Variants in ARHGAP44 observed in about 807,000 individuals in gnomAD.
ARHGAP44 encodes Rho GTPase activating protein 44, also known as rho GTPase-activating protein 44.
In ARHGAP44, 43 loss-of-function variants were observed where a neutral mutation model predicts 106.8. The observed-to-expected ratio is 0.40, with a 90% CI of 0.32 to 0.52. ARHGAP44 has a LOEUF of 0.52. Ranked by LOEUF, ARHGAP44 falls within the 20% of genes least tolerant of loss-of-function variation. ARHGAP44 has a pLI of 0.48. For missense variants in ARHGAP44, 866 were observed against 1,050.5 expected (o/e 0.82, Z 2.43); for synonymous variants, 439 against 410.3 (o/e 1.07, Z -0.85).
chr17:12,797,933 T>C (rs74393437), intron 1 of ARHGAP44, among the ~76,000 whole-genome samples: 5 of 152,208 alleles, frequency 3.3e-5, no homozygotes, highest in African/African-American at 9.6e-5. Flanking sequence ...ATAGGTAATT[T>C]GTCAGTGTTG....
intron 7 of ARHGAP44, among the ~76,000 whole-genome samples, chr17:12,931,068 T>G (rs1018180445): frequency 1.3e-5 from 2 of 152,178 alleles, no homozygotes; most frequent in African/African-American, 4.8e-5. Context: ...TGTTTTTGTT[T>G]TGTTTTGTTC....
At position 12,835,916 on chromosome 17, in the gene ARHGAP44, G is replaced by A. The variant is rs74545902; in HGVS notation, c.53+46025G>A. On this transcript the variant is annotated intron_variant, in intron 1 of 20. Transcript: ENST00000379672. ...CAATATTTGCCTTTTTGTGTCTGGC[G>A]TATCATTTCATTTAGCATAATATCC... Among the ~76,000 whole-genome samples, 436 of 152,174 alleles carry A rather than the reference G, an allele frequency of 2.9e-3. 3 individuals carry two copies. Among genetic ancestry groups the A allele is most frequent in the African/African-American group, 9.9e-3 (410 of 41,520 alleles).
chr17:12,792,404 A>G lies in ARHGAP44; in HGVS notation c.53+2513A>G, dbSNP rs534508446. ...GTTGTATGCCTGTGTAGATAGTGCA[A>G]TGCCGTTTAGACTACTGACTCTCAA... On this transcript the variant is annotated intron_variant, in intron 1 of 20. Transcript: ENST00000379672. 4.0e-4 allele frequency among the ~76,000 whole-genome samples: 60 copies of G among 151,160 alleles called. No individual in the cohort carries two copies. In the South Asian group the frequency reaches 9.1e-3, roughly 23 times the overall value.
intron 3 of ARHGAP44, among the ~76,000 whole-genome samples, chr17:12,908,648 G>A (rs1449110193): frequency 2.0e-5 from 3 of 152,032 alleles, no homozygotes; most frequent in Non-Finnish European, 4.4e-5. Flanking sequence ...ATTTTAAAAT[G>A]CAGCATGTAA....
At chr17:12,966,584 C>T (rs775487628) in intron 16 of ARHGAP44, among the ~76,000 whole-genome samples, 7 of 152,152 alleles carry the variant, frequency 4.6e-5, no homozygotes, top group Non-Finnish European at 8.8e-5. Context: ...CTTTGCTGTC[C>T]GGGACATCAT....
rs1270022945 is a variant in ARHGAP44 at position 12,896,492 on chromosome 17, C to T, written c.179C>T (p.Ala60Val). 1.2e-6 allele frequency: 2 copies of T among 1,605,794 alleles called. No individual in the cohort carries two copies. Among genetic ancestry groups the T allele is most frequent in the Non-Finnish European group, 1.7e-6 (2 of 1,176,632 alleles). The change falls in exon 3 of 21, where the codon GCA becomes GTA. Residue 60 changes from alanine to valine, a missense_variant. Physicochemically the swap from Ala to Val is moderately conservative, Grantham distance 64. Around this residue, in one of 2 missense-constraint regions of ARHGAP44, gnomAD observed 448 missense variants for 646.9 expected, o/e 0.69. Coordinates refer to ENST00000379672, the MANE Select transcript of ARHGAP44 (RefSeq NM_014859.6). ...GCATGTCTGCAGGGCCAGCAAGGGGCAGAGGCTGACAAGCGCTCCGTAAGT... is the reference window on the plus strand; with the variant it reads ...GCATGTCTGCAGGGCCAGCAAGGGGTAGAGGCTGACAAGCGCTCCGTAAGT... ...LTACLQGQQGAEADKRSKKLP... is the reference protein window; with the variant it reads ...LTACLQGQQGVEADKRSKKLP...
chr17:12,844,661 G>A (rs1366359037), intron 1 of ARHGAP44, among the ~76,000 whole-genome samples: 2 of 152,158 alleles, frequency 1.3e-5, no homozygotes, highest in African/African-American at 4.8e-5. Context: ...CCCCTTCATG[G>A]TGTAGAATAT....
chr17:12,805,137 A>T (rs1048334106), intron 1 of ARHGAP44, among the ~76,000 whole-genome samples: 1 of 152,150 alleles, frequency 6.6e-6, no homozygotes, highest in African/African-American at 2.4e-5. Context: ...GGATCCTAGA[A>T]CTGAGACCTG....
At chr17:12,845,479 G>T in intron 1 of ARHGAP44, among the ~76,000 whole-genome samples, 1 of 144,096 alleles carries the variant, frequency 6.9e-6, no homozygotes, top group Non-Finnish European at 1.5e-5. Context: ...TTGCACTCCA[G>T]CCTGGTGACA....
intron 1 of ARHGAP44, among the ~76,000 whole-genome samples, chr17:12,843,354 A>T (rs1343145110): frequency 3.9e-5 from 6 of 152,108 alleles, no homozygotes; most frequent in Admixed American, 2.6e-4. Context: ...CTATGGTATC[A>T]TCTGCCATAG....
intron 7 of ARHGAP44, among the ~76,000 whole-genome samples, chr17:12,930,273 G>T (rs1454353625): frequency 6.7e-6 from 1 of 148,736 alleles, no homozygotes; most frequent in Non-Finnish European, 1.5e-5. Context: ...CGTTCTTGTT[G>T]CCCATGCTGG....
intron 16 of ARHGAP44, among the ~76,000 whole-genome samples, chr17:12,972,801 A>G (rs1476776064): frequency 6.6e-6 from 1 of 150,452 alleles, no homozygotes. Context: ...AGCTGGGACT[A>G]CAGGTGCCTG....
chr17:12,912,578 A>G (rs2037771541), intron 4 of ARHGAP44, among the ~76,000 whole-genome samples: 1 of 152,190 alleles, frequency 6.6e-6, no homozygotes, highest in African/African-American at 2.4e-5. Context: ...GAAAAGGCCC[A>G]TTGAGCTCCA....
intron 6 of ARHGAP44, among the ~76,000 whole-genome samples, chr17:12,923,814 C>G (rs1474315459): frequency 6.6e-6 from 1 of 152,170 alleles, no homozygotes; most frequent in East Asian, 1.9e-4. Context: ...TCCCTAACTC[C>G]TCACTCTTAG....
chr17:12,939,088 C>A (rs2038633642), intron 7 of ARHGAP44, among the ~76,000 whole-genome samples: 1 of 152,194 alleles, frequency 6.6e-6, no homozygotes. Context: ...TGATGGATAT[C>A]TCCTGAGCAA....
chr17:12,955,807 C>T, intron 13 of ARHGAP44, 60 bp from the exon 14 acceptor site: 2 of 1,040,870 alleles, frequency 1.9e-6, no homozygotes, highest in Non-Finnish European at 1.5e-6. Flanking sequence ...TGTCCAGTCC[C>T]CGGGGGACAT....
intron 15 of ARHGAP44, among the ~76,000 whole-genome samples, chr17:12,957,696 A>G (rs866497446): frequency 1.3e-5 from 2 of 152,172 alleles, no homozygotes; most frequent in Middle Eastern, 3.2e-3. Flanking sequence ...CCATAAGTAG[A>G]TGACTCTCAA....
intron 3 of ARHGAP44, among the ~76,000 whole-genome samples, chr17:12,898,642 A>T (rs1396292847): frequency 6.6e-6 from 1 of 152,210 alleles, no homozygotes; most frequent in African/African-American, 2.4e-5. Context: ...TCACATCTTC[A>T]CATAACCATA....
At position 12,926,468 on chromosome 17, in the gene ARHGAP44, TATATATA is replaced by T. The variant is rs1424450043; in HGVS notation, c.465-2453_465-2447del. Among the ~76,000 whole-genome samples, 52 of 108,164 alleles carry T rather than the reference TATATATA, an allele frequency of 4.8e-4. No individual in the cohort carries two copies. In the East Asian group the frequency reaches 0.015, roughly 31 times the overall value. 71.0% of individuals were successfully genotyped at this position (108,164 alleles called of 152,430 possible). On this transcript the variant is annotated intron_variant, in intron 6 of 20. Transcript: ENST00000379672. ...ATACATAATATATATACATATATAATATATATAATATATATGTATGTATAATATATGT... is the reference window on the plus strand; with the variant it reads ...ATACATAATATATATACATATATAATATATATATGTATGTATAATATATGT...
Sources: gnomAD v4.1 joint callset for allele counts (sites outside exome capture counted in the v4.1 genomes callset) on GRCh38, gnomAD v4.1.1 for gene constraint, gnomAD v4.1.1 regional missense constraint, MANE v1.5 for transcripts, NCBI Gene and HGNC (gene_info 2026-07-23, HGNC 2026-07-21) for gene names.